APP: variants seen among roughly 807,000 people sequenced by gnomAD.
APP encodes the protein amyloid beta precursor protein, also known as amyloid-beta precursor protein.
A neutral mutation model predicts 101.4 loss-of-function variants in APP; 31 were observed. The ratio of observed to expected loss-of-function variants is 0.31; its 90% CI spans 0.23 to 0.41. The LOEUF (loss-of-function observed/expected upper bound fraction) is 0.41, where lower values mean the gene tolerates loss of function less well. Ranked by LOEUF, APP falls within the 10% of genes least tolerant of loss-of-function variation. The pLI is 1.00. For missense variants in APP, 839 were observed against 1,003.7 expected (o/e 0.84, Z 2.22); for synonymous variants, 366 against 364.4 (o/e 1.00, Z -0.05).
intron 8 of APP, among the ~76,000 whole-genome samples, chr21:25,989,636 T>A: frequency 6.6e-6 from 1 of 152,194 alleles, no homozygotes; most frequent in East Asian, 1.9e-4. Context: ...TGGGTTAGTC[T>A]CCTTTCATCA....
intron 16 of APP, among the ~76,000 whole-genome samples, chr21:25,895,199 G>T: frequency 6.8e-6 from 1 of 147,258 alleles, no homozygotes; most frequent in African/African-American, 2.5e-5. Flanking sequence ...TTGAGACAGA[G>T]TCTTGCTCTT....
At chr21:26,009,831 C>A in intron 6 of APP, 1 of 158,346 alleles carries the variant, frequency 6.3e-6, no homozygotes, top group Non-Finnish European at 1.4e-5. Flanking sequence ...TCAGGTGATG[C>A]ACCCACCTCG....
At chr21:25,991,742 C>T (rs148733006) in intron 8 of APP, among the ~76,000 whole-genome samples, 7 of 152,306 alleles carry the variant, frequency 4.6e-5, no homozygotes, top group African/African-American at 1.4e-4. Context: ...TACTTATTGT[C>T]TATTGTTGCT....
chr21:26,148,340 G>A (rs1430459311), intron 1 of APP, among the ~76,000 whole-genome samples: 1 of 152,146 alleles, frequency 6.6e-6, no homozygotes, highest in East Asian at 1.9e-4. Flanking sequence ...CACAAGGAGG[G>A]GCAGGACTAG....
intron 1 of APP, among the ~76,000 whole-genome samples, chr21:26,169,064 C>T (rs2063681355): frequency 6.6e-6 from 1 of 152,168 alleles, no homozygotes. Flanking sequence ...AACAGGAACC[C>T]AACCGAAGTC....
intron 2 of APP, among the ~76,000 whole-genome samples, chr21:26,096,740 C>A (rs2146139808): frequency 6.6e-6 from 1 of 152,178 alleles, no homozygotes; most frequent in East Asian, 1.9e-4. Flanking sequence ...CACGTCACTG[C>A]ACTCCAGTCT....
intron 5 of APP, 43 bp from the exon 6 acceptor site, chr21:26,022,085 C>T (rs1169614894): frequency 6.2e-7 from 1 of 1,603,716 alleles, no homozygotes; most frequent in East Asian, 2.2e-5. Flanking sequence ...CAATTAAACA[C>T]ATTTCAGGGA....
intron 5 of APP, 90 bp from the exon 6 acceptor site, chr21:26,022,132 TTTG>T: frequency 6.8e-7 from 1 of 1,477,338 alleles, no homozygotes; most frequent in Non-Finnish European, 9.4e-7. Flanking sequence ...ATTTTGGCAA[TTTG>T]AGAAGAAACA....
intron 13 of APP, chr21:25,943,097 G>A (rs1265578391): frequency 6.6e-6 from 1 of 152,234 alleles, no homozygotes; most frequent in East Asian, 1.9e-4. Flanking sequence ...CAGGGGCCAG[G>A]TTAATCTCTT....
intron 5 of APP, among the ~76,000 whole-genome samples, chr21:26,042,376 G>A (rs1353952499): frequency 3.3e-5 from 5 of 152,082 alleles, no homozygotes; most frequent in Admixed American, 1.3e-4. Flanking sequence ...AGTGGAAGAC[G>A]GCATGTGCAT....
intron 6 of APP, among the ~76,000 whole-genome samples, chr21:26,001,945 G>A (rs377705327): frequency 1.9e-5 from 2 of 105,856 alleles, no homozygotes; most frequent in Non-Finnish European, 2.1e-5. Flanking sequence ...TAATAAATCA[G>A]GGTGCCAGTC....
intron 11 of APP, 131 bp downstream of exon 11, chr21:25,974,939 G>T (rs2042168937): frequency 1.5e-6 from 2 of 1,372,352 alleles, no homozygotes; most frequent in Non-Finnish European, 2.0e-6. Context: ...ATGGACAGGG[G>T]TTGAACCTCT....
intron 13 of APP, among the ~76,000 whole-genome samples, chr21:25,932,962 T>C (rs1319817694): frequency 1.3e-5 from 2 of 152,216 alleles, no homozygotes; most frequent in Non-Finnish European, 2.9e-5. Context: ...ACATCGTTTT[T>C]TACATTTTTA....
At chr21:26,012,466 AG>A (rs1435127250) in intron 6 of APP, among the ~76,000 whole-genome samples, 1 of 152,214 alleles carries the variant, frequency 6.6e-6, no homozygotes, top group Non-Finnish European at 1.5e-5. Flanking sequence ...ACAAAAAGTC[AG>A]GCATATTGGA....
chr21:26,169,693 C>T (rs888425058), intron 1 of APP, among the ~76,000 whole-genome samples: 1 of 152,236 alleles, frequency 6.6e-6, no homozygotes, highest in Admixed American at 6.5e-5. Flanking sequence ...CGGGCGGGAG[C>T]CTCGGTGGCG....
chr21:25,937,527 T>C (rs2040409245), intron 13 of APP, among the ~76,000 whole-genome samples: 1 of 152,218 alleles, frequency 6.6e-6, no homozygotes, highest in South Asian at 2.1e-4. Context: ...CAATTTTCCC[T>C]TTCATCTCTT....
At chr21:25,916,291 C>T (rs1348116384) in intron 13 of APP, among the ~76,000 whole-genome samples, 1 of 152,130 alleles carries the variant, frequency 6.6e-6, no homozygotes, top group Non-Finnish European at 1.5e-5. Context: ...GGAGCCACTG[C>T]GCCTGGCCGT....
At chr21:25,933,470 C>A (rs1036655544) in intron 13 of APP, among the ~76,000 whole-genome samples, 2 of 152,192 alleles carry the variant, frequency 1.3e-5, no homozygotes, top group African/African-American at 4.8e-5. Context: ...CAGTAGATTA[C>A]TGTAAATTAG....
chr21:26,069,428 T>C (rs1473139103), intron 3 of APP, among the ~76,000 whole-genome samples: 1 of 152,170 alleles, frequency 6.6e-6, no homozygotes, highest in Admixed American at 6.5e-5. Context: ...CCTGAGGTCC[T>C]GGATGCTGCA....
Sources: gnomAD v4.1 joint callset for allele counts (sites outside exome capture counted in the v4.1 genomes callset) on GRCh38, gnomAD v4.1.1 for gene constraint, MANE v1.5 for transcripts, NCBI Gene and HGNC (gene_info 2026-07-23, HGNC 2026-07-21) for gene names.